The following COPS3 variants were observed in gnomAD, a reference collection of about 807,000 sequenced individuals.
The protein encoded by COPS3 is COP9 signalosome subunit 3.
COPS3 carries 10 observed loss-of-function variants against 58.2 expected under a neutral mutation model. The observed-to-expected ratio is 0.17, with a 90% CI of 0.11 to 0.29. The LOEUF is 0.29. Among genes scored for constraint, COPS3 ranks in the 10% least tolerant of loss-of-function variants. The pLI is 1.00. For synonymous variants in COPS3, 187 were observed against 181.7 expected (o/e 1.03, Z -0.24); for missense variants, 333 against 510.1 (o/e 0.65, Z 3.34).
rs78816199 is a variant in COPS3 at position 17,253,526 on chromosome 17, A to T, written c.1023+1333T>A. On this transcript the variant is annotated intron_variant, in intron 9 of 11. Transcript: ENST00000268717. ...GAGGGAGTGTCAGGGCACTGGTGCT[A>T]TTTCATTTCCTAAGCTGGATGCTAA... Among the ~76,000 whole-genome samples, 14 of 152,186 alleles carry T rather than the reference A, an allele frequency of 9.2e-5. 1 individual carries two copies. In the East Asian group the frequency reaches 2.7e-3, roughly 29 times the overall value.
intron 5 of COPS3, among the ~76,000 whole-genome samples, chr17:17,267,243 C>T (rs1567857281): frequency 2.7e-5 from 4 of 146,220 alleles, no homozygotes; most frequent in South Asian, 2.2e-4. Flanking sequence ...GAGGCTGAGG[C>T]GGGAGAATGG....
chr17:17,277,153 C>T (rs2048477192), intron 1 of COPS3, among the ~76,000 whole-genome samples: 1 of 152,166 alleles, frequency 6.6e-6, no homozygotes, highest in Admixed American at 6.5e-5. Flanking sequence ...TGCTACCTGA[C>T]TGAGCCTCAT....
chr17:17,276,001 C>T (rs1356046626), intron 2 of COPS3, 34 bp downstream of exon 2: 2 of 1,583,422 alleles, frequency 1.3e-6, no homozygotes, highest in African/African-American at 2.7e-5. Flanking sequence ...TCCATTTTAA[C>T]AAGCACAGAA....
Position 17,260,411 on chromosome 17 carries a change from G to A in COPS3, c.826C>T (p.Arg276Ter), listed in dbSNP as rs752579367. ...VYSTNNPSEL[R>*]NLVNKHSETF... ...TCACTGTGCTTATTCACCAGGTTTC[G>A]GAGTTCTGAGGGGTTGTTGGTTGAA... Residue 276 changes from arginine (R) to a stop codon, truncating the protein, a stop_gained, in exon 8 of 12, where the codon CGA becomes TGA. Transcript: ENST00000268717. LOFTEE classifies it high-confidence loss of function. The A allele has an allele frequency of 1.9e-6, 3 of 1,614,124 alleles. No homozygotes were observed. The highest frequency in any genetic ancestry group is 1.7e-5 in the Admixed American group (1 of 60,008).
At chr17:17,254,648 A>G (rs1432867665) in intron 9 of COPS3, among the ~76,000 whole-genome samples, 1 of 151,858 alleles carries the variant, frequency 6.6e-6, no homozygotes, top group African/African-American at 2.4e-5. Flanking sequence ...CATCTCTACT[A>G]AAAATACAAA....
At chr17:17,258,831 C>T (rs988284484) in intron 8 of COPS3, among the ~76,000 whole-genome samples, 6 of 152,160 alleles carry the variant, frequency 3.9e-5, no homozygotes, top group South Asian at 4.1e-4. Context: ...TTCTCTTTCA[C>T]GTTCTTCATT....
chr17:17,248,741 G>A (rs867721901), intron 10 of COPS3, among the ~76,000 whole-genome samples, 185 bp downstream of exon 10: 2 of 152,048 alleles, frequency 1.3e-5, no homozygotes, highest in Admixed American at 6.6e-5. Context: ...ACTGTAACCC[G>A]TCTCCAGGGT....
At chr17:17,266,524 CA>C (rs954305912) in intron 5 of COPS3, among the ~76,000 whole-genome samples, 1 of 152,004 alleles carries the variant, frequency 6.6e-6, no homozygotes, top group African/African-American at 2.4e-5. Flanking sequence ...TGAGGCCAGG[CA>C]CGGTGGTTCA....
In COPS3 at chr17:17,267,846, C is replaced by T. The variant is rs748233015; in HGVS notation, c.441+39G>A. On this transcript the variant is annotated intron_variant, in intron 5 of 11. Coordinates refer to ENST00000268717, the MANE Select transcript of COPS3 (RefSeq NM_003653.4). ...TGAGCAAGCCCATAAACAACCTACA[C>T]CTCTGACTTGGTGTGAATCACACAC... 1.9e-6 allele frequency: 3 copies of T among 1,604,584 alleles called. No individual in the cohort carries two copies. The East Asian group carries it at 6.7e-5, about 36-fold the overall frequency.
chr17:17,267,213 C>T (rs1369290319), intron 5 of COPS3, among the ~76,000 whole-genome samples: 3 of 151,494 alleles, frequency 2.0e-5, no homozygotes, highest in Non-Finnish European at 4.4e-5. Context: ...TAGCGGGCGC[C>T]TGTAGTCCCA....
intron 1 of COPS3, among the ~76,000 whole-genome samples, chr17:17,278,155 G>GA (rs112358023): frequency 4.0e-5 from 6 of 149,140 alleles, no homozygotes; most frequent in East Asian, 2.0e-4. Context: ...CGTTTCGGGG[G>GA]AAAAAAAAAA....
At chr17:17,263,360 C>G (rs1028137034) in intron 6 of COPS3, among the ~76,000 whole-genome samples, 2 of 151,872 alleles carry the variant, frequency 1.3e-5, no homozygotes, top group Non-Finnish European at 2.9e-5. Flanking sequence ...GCTGCCAGGC[C>G]CAGCTAATTT....
chr17:17,276,885 C>G (rs932448783), intron 1 of COPS3, among the ~76,000 whole-genome samples: 1 of 152,112 alleles, frequency 6.6e-6, no homozygotes, highest in Non-Finnish European at 1.5e-5. Flanking sequence ...CCAACCCGCA[C>G]TCCATATTAG....
chr17:17,270,616 A>G (rs1429567435), intron 4 of COPS3, 142 bp downstream of exon 4: 5 of 757,656 alleles, frequency 6.6e-6, no homozygotes, highest in African/African-American at 5.3e-5. Flanking sequence ...GCTTACAGCA[A>G]TGGCTGTGAG....
At chr17:17,257,740 T>C (rs1172988623) in intron 8 of COPS3, among the ~76,000 whole-genome samples, 2 of 140,816 alleles carry the variant, frequency 1.4e-5, no homozygotes, top group Non-Finnish European at 3.0e-5. Flanking sequence ...GAGCTTGCAG[T>C]GAGCCGAGAT....
chr17:17,254,204 A>G (rs1193357248), intron 9 of COPS3, among the ~76,000 whole-genome samples: 1 of 150,752 alleles, frequency 6.6e-6, no homozygotes, highest in Non-Finnish European at 1.5e-5. Flanking sequence ...GCTACTTGGG[A>G]GGCTGAGGTG....
At chr17:17,250,684 T>C (rs1265225759) in intron 9 of COPS3, among the ~76,000 whole-genome samples, 5 of 152,180 alleles carry the variant, frequency 3.3e-5, no homozygotes, top group Non-Finnish European at 2.9e-5. Flanking sequence ...GAGATACCAA[T>C]AAAAGTACAA....
chr17:17,255,861 A>AATAAATAAATAC (rs2047962289), intron 8 of COPS3, among the ~76,000 whole-genome samples: 1 of 149,294 alleles, frequency 6.7e-6, no homozygotes, highest in East Asian at 1.9e-4. Context: ...TAAATAAATA[A>AATAAATAAATAC]ATAAATAAAT....
intron 7 of COPS3, 148 bp from the exon 8 acceptor site, chr17:17,260,622 G>T (rs1294715945): frequency 3.2e-6 from 2 of 615,386 alleles, no homozygotes; most frequent in East Asian, 2.9e-5. Flanking sequence ...TGACCAACAT[G>T]AAGAAACCCC....
Sources: gnomAD v4.1 joint callset for allele counts (sites outside exome capture counted in the v4.1 genomes callset) on GRCh38, gnomAD v4.1.1 for gene constraint, MANE v1.5 for transcripts, NCBI Gene and HGNC (gene_info 2026-07-23, HGNC 2026-07-21) for gene names.